EPHA4: variants seen among roughly 807,000 people sequenced by gnomAD.
The protein encoded by EPHA4 is ephrin type-A receptor 4.
EPHA4 carries 19 observed loss-of-function variants against 108.3 expected under a neutral mutation model. That is an observed-to-expected ratio of 0.18 (90% CI 0.12 to 0.26). The LOEUF is 0.26. Ranked by LOEUF, EPHA4 falls within the 10% of genes least tolerant of loss-of-function variation. The pLI, the probability that EPHA4 is intolerant of heterozygous loss-of-function variation, is 1.00. For missense variants in EPHA4, 917 were observed against 1,254.0 expected (o/e 0.73, Z 4.06); for synonymous variants, 449 against 455.5 (o/e 0.99, Z 0.18).
intron 3 of EPHA4, among the ~76,000 whole-genome samples, chr2:221,518,258 T>A (rs1263740786): frequency 1.3e-5 from 2 of 152,088 alleles, no homozygotes; most frequent in African/African-American, 4.8e-5. Flanking sequence ...TGCAAAATGG[T>A]CCTCACCTCC....
At chr2:221,434,119 T>TA in intron 14 of EPHA4, 23 bp downstream of exon 14, 1 of 1,598,716 alleles carries the variant, frequency 6.3e-7, no homozygotes, top group Non-Finnish European at 8.5e-7. Flanking sequence ...TGAAAAAATA[T>TA]ATTTCAGAAC....
intron 6 of EPHA4, 125 bp downstream of exon 6, chr2:221,457,741 G>T: frequency 9.6e-7 from 1 of 1,043,396 alleles, no homozygotes; most frequent in Admixed American, 2.6e-5. Flanking sequence ...GGATGGGAAG[G>T]AGTCGAGGAA....
chr2:221,453,749 T>A (rs1171229403), intron 8 of EPHA4, among the ~76,000 whole-genome samples: 2 of 152,222 alleles, frequency 1.3e-5, no homozygotes, highest in African/African-American at 4.8e-5. Flanking sequence ...AGATTGTGCA[T>A]GAAAAGCAAT....
chr2:221,441,646 T>G (rs981312118), intron 11 of EPHA4, among the ~76,000 whole-genome samples: 5 of 152,148 alleles, frequency 3.3e-5, no homozygotes, highest in Non-Finnish European at 7.3e-5. Flanking sequence ...GGATGACAAC[T>G]GCTAAAAGAG....
At chr2:221,566,213 A>G (rs1230294869) in intron 2 of EPHA4, among the ~76,000 whole-genome samples, 4 of 152,138 alleles carry the variant, frequency 2.6e-5, no homozygotes, top group Non-Finnish European at 5.9e-5. Context: ...CCTTGGTGGT[A>G]TTGTCAAATC....
chr2:221,570,603 T>C (rs1694802274), intron 1 of EPHA4, among the ~76,000 whole-genome samples: 1 of 152,086 alleles, frequency 6.6e-6, no homozygotes, highest in Non-Finnish European at 1.5e-5. Flanking sequence ...GGTGTATAAA[T>C]CTCTCAGAGC....
intron 2 of EPHA4, among the ~76,000 whole-genome samples, chr2:221,566,809 A>AAGAAGAAGG (rs1158917793): frequency 6.9e-6 from 1 of 145,174 alleles, no homozygotes; most frequent in East Asian, 2.0e-4. Flanking sequence ...GAGGGAGAAG[A>AAGAAGAAGG]AGAAGAAGGA....
At chr2:221,520,922 T>C (rs1435313695) in intron 3 of EPHA4, among the ~76,000 whole-genome samples, 1 of 152,234 alleles carries the variant, frequency 6.6e-6, no homozygotes, top group Non-Finnish European at 1.5e-5. Flanking sequence ...TCAATAAGTC[T>C]TTAAAATATA....
chr2:221,438,195 CAAAG>C (rs1240759540), intron 11 of EPHA4, among the ~76,000 whole-genome samples: 1 of 151,020 alleles, frequency 6.6e-6, no homozygotes, highest in Non-Finnish European at 1.5e-5. Context: ...TTTTTTTCTG[CAAAG>C]AAATAAAAAT....
chr2:221,435,209 G>A (rs915378942), intron 13 of EPHA4, among the ~76,000 whole-genome samples: 1 of 152,148 alleles, frequency 6.6e-6, no homozygotes, highest in Non-Finnish European at 1.5e-5. Flanking sequence ...AAAACCCAGT[G>A]TATTGCATTC....
chr2:221,535,236 G>C (rs986297988), intron 3 of EPHA4, among the ~76,000 whole-genome samples: 1 of 152,200 alleles, frequency 6.6e-6, no homozygotes, highest in African/African-American at 2.4e-5. Flanking sequence ...CCACCTAGGA[G>C]CTTGTGAAAA....
intron 8 of EPHA4, among the ~76,000 whole-genome samples, chr2:221,454,965 G>T (rs1386297346): frequency 6.6e-6 from 1 of 152,098 alleles, no homozygotes; most frequent in Non-Finnish European, 1.5e-5. Context: ...CTTTTCCTGG[G>T]GGAAGACTGA....
chr2:221,488,784 TG>T lies in EPHA4; in HGVS notation c.980-6095del, dbSNP rs1233338924. On this transcript the variant is annotated intron_variant, in intron 4 of 17. Transcript: ENST00000281821. ...CCTTTACCAACCATGTGCTCTTCTC[TG>T]GGGAAAAAAACAAGCTTCTGGAAAT... is the stretch of plus-strand genomic sequence containing the variant. 7.2e-5 allele frequency among the ~76,000 whole-genome samples: 11 copies of T among 152,170 alleles called. 1 individual carries two copies. Among genetic ancestry groups the T allele is most frequent in the African/African-American group, 1.7e-4 (7 of 41,532 alleles).
intron 8 of EPHA4, among the ~76,000 whole-genome samples, chr2:221,449,935 C>T (rs1690727757): frequency 6.6e-6 from 1 of 152,230 alleles, no homozygotes; most frequent in African/African-American, 2.4e-5. Flanking sequence ...CATGAAGATT[C>T]ACAGCAGCCA....
In EPHA4 at chr2:221,571,206, CACATGCAGACATGCACACACACGCAG is replaced by C. The variant is rs1429562139; in HGVS notation, c.91+926_91+951del. ...CACACGCAGACATGCACACACACCA[CACATGCAGACATGCACACACACGCAG>C]ACATGCACACACACACCACACATAC... On this transcript the variant is annotated intron_variant, in intron 1 of 17. Coordinates refer to ENST00000281821, the MANE Select transcript of EPHA4 (RefSeq NM_004438.5). The surrounding 1 kb of genome is among the most constrained non-coding windows in gnomAD (Gnocchi z 6.3). 3.4e-5 allele frequency among the ~76,000 whole-genome samples: 5 copies of C among 148,352 alleles called. No individual in the cohort carries two copies. In the East Asian group the frequency reaches 7.8e-4, roughly 23 times the overall value.
At chr2:221,435,497 GCCAA>G (rs944736199) in intron 13 of EPHA4, among the ~76,000 whole-genome samples, 4 of 151,578 alleles carry the variant, frequency 2.6e-5, no homozygotes, top group Admixed American at 6.6e-5. Flanking sequence ...AAAAAGCTCA[GCCAA>G]CCAACCAACA....
chr2:221,530,899 C>T (rs902895051), intron 3 of EPHA4, among the ~76,000 whole-genome samples: 1 of 152,086 alleles, frequency 6.6e-6, no homozygotes, highest in Non-Finnish European at 1.5e-5. Flanking sequence ...CACCACCTCC[C>T]CCTCCAAGTA....
Position 221,436,409 on chromosome 2 carries a change from T to C in EPHA4, c.2336A>G (p.Tyr779Cys). 6.2e-7 allele frequency: 1 copy of C among 1,614,154 alleles called. No individual in the cohort carries two copies. The highest frequency in any genetic ancestry group is 8.5e-7 in the Non-Finnish European group (1 of 1,180,000). Residue 779 changes from tyrosine to cysteine, a missense_variant, in exon 13 of 18, where the codon TAC (tyrosine) becomes TGC (cysteine). Around this residue, in one of 3 missense-constraint regions of EPHA4, gnomAD observed 758 missense variants for 1,076.7 expected, o/e 0.70. Transcript: ENST00000281821. The stretch of plus-strand genomic sequence containing the variant: ...ACCGATCTTTCTTACCCTGGTGGTG[T>C]AAGCTGCTTCCGGATCATCCTCAAG... ...RVLEDDPEAAYTTRGGKIPIR... is the reference protein window; with the variant it reads ...RVLEDDPEAACTTRGGKIPIR...
intron 5 of EPHA4, among the ~76,000 whole-genome samples, chr2:221,467,250 GC>G (rs1321112902): frequency 5.9e-5 from 9 of 152,280 alleles, no homozygotes; most frequent in African/African-American, 1.9e-4. Context: ...CTGTTCCTTG[GC>G]CTGGGTGACG....
Sources: gnomAD v4.1 joint callset for allele counts (sites outside exome capture counted in the v4.1 genomes callset) on GRCh38, gnomAD v4.1.1 for gene constraint, gnomAD v4.1.1 regional missense constraint, Gnocchi (gnomAD v3.1) non-coding constraint, MANE v1.5 for transcripts, NCBI Gene and HGNC (gene_info 2026-07-23, HGNC 2026-07-21) for gene names.